Variants in GRM5 observed in about 807,000 individuals in gnomAD.
GRM5 encodes the protein metabotropic glutamate receptor 5.
A neutral mutation model predicts 83.1 loss-of-function variants in GRM5; 19 were observed. The ratio of observed to expected loss-of-function variants is 0.23; its 90% CI spans 0.16 to 0.34. The LOEUF (loss-of-function observed/expected upper bound fraction) is 0.34, where lower values mean the gene tolerates loss of function less well. Ranked by LOEUF, GRM5 falls within the 10% of genes least tolerant of loss-of-function variation. The pLI, the probability that GRM5 is intolerant of heterozygous loss-of-function variation, is 1.00. For missense variants in GRM5, 1,160 were observed against 1,588.3 expected (o/e 0.73, Z 4.58); for synonymous variants, 675 against 633.6 (o/e 1.07, Z -0.98).
intron 3 of GRM5, among the ~76,000 whole-genome samples, chr11:88,778,120 CT>C (rs1006987473): frequency 3.9e-5 from 6 of 152,070 alleles, no homozygotes; most frequent in African/African-American, 1.2e-4. Flanking sequence ...CCATTTGGAG[CT>C]TCCTTGGCCA....
intron 3 of GRM5, among the ~76,000 whole-genome samples, chr11:88,688,856 C>A (rs115439082): frequency 1.3e-5 from 2 of 152,012 alleles, no homozygotes; most frequent in Non-Finnish European, 2.9e-5. Context: ...GGCGATTAGA[C>A]CTGGAACAGT....
At chr11:88,783,256 G>A (rs1229055295) in intron 3 of GRM5, among the ~76,000 whole-genome samples, 1 of 152,092 alleles carries the variant, frequency 6.6e-6, no homozygotes, top group East Asian at 1.9e-4. Flanking sequence ...GTGTTCAAAT[G>A]ATTTATGAAT....
intron 3 of GRM5, among the ~76,000 whole-genome samples, chr11:88,734,319 T>A (rs1941866171): frequency 6.6e-6 from 1 of 152,006 alleles, no homozygotes. Context: ...ATTATTATGT[T>A]TTAAAAAGAT....
At chr11:88,950,092 T>G (rs969191982) in intron 2 of GRM5, among the ~76,000 whole-genome samples, 1 of 151,386 alleles carries the variant, frequency 6.6e-6, no homozygotes, top group Non-Finnish European at 1.5e-5. Context: ...GCCAGGATGG[T>G]CTCGATCTCC....
At chr11:88,731,477 T>C (rs1452017489) in intron 3 of GRM5, among the ~76,000 whole-genome samples, 2 of 152,108 alleles carry the variant, frequency 1.3e-5, no homozygotes, top group Non-Finnish European at 2.9e-5. Flanking sequence ...CACATCACTC[T>C]GTGTAGTCCT....
At chr11:89,046,215 GGTTA>G (rs758599396) in intron 2 of GRM5, among the ~76,000 whole-genome samples, 9 of 152,110 alleles carry the variant, frequency 5.9e-5, no homozygotes, top group Non-Finnish European at 1.3e-4. Flanking sequence ...TCTGAAGTGG[GGTTA>G]GTAACTTAAT....
intron 2 of GRM5, among the ~76,000 whole-genome samples, chr11:89,007,626 T>C (rs1378752085): frequency 2.0e-5 from 3 of 152,230 alleles, no homozygotes; most frequent in Non-Finnish European, 4.4e-5. Flanking sequence ...TGTTAGGTCA[T>C]ACGGGTTTTA....
intron 2 of GRM5, among the ~76,000 whole-genome samples, chr11:88,980,734 A>G (rs2135022567): frequency 6.6e-6 from 1 of 152,190 alleles, no homozygotes; most frequent in East Asian, 1.9e-4. Context: ...GATGCAGGAG[A>G]ATGGCATGAA....
chr11:88,998,052 T>C (rs114575161), intron 2 of GRM5, among the ~76,000 whole-genome samples: 3,127 of 143,866 alleles, frequency 0.022, 109 homozygotes, highest in African/African-American at 0.077. Context: ...AAGAAAAATA[T>C]GAGAGGCGGA....
At chr11:88,587,822 A>G (rs1267885962) in intron 7 of GRM5, among the ~76,000 whole-genome samples, 1 of 152,114 alleles carries the variant, frequency 6.6e-6, no homozygotes, top group Non-Finnish European at 1.5e-5. Flanking sequence ...TAATCCAATC[A>G]TACTCCTCAA....
intron 2 of GRM5, among the ~76,000 whole-genome samples, chr11:88,887,031 G>A (rs1279887198): frequency 5.9e-5 from 9 of 152,114 alleles, no homozygotes; most frequent in Middle Eastern, 3.2e-3. Context: ...GAGGCACATC[G>A]TTGGTCCTTT....
intron 2 of GRM5, among the ~76,000 whole-genome samples, chr11:88,956,270 G>C (rs1938608824): frequency 6.6e-6 from 1 of 152,224 alleles, no homozygotes; most frequent in Admixed American, 6.5e-5. Flanking sequence ...AAATTCCAAA[G>C]TAGAGCAGTC....
chr11:88,613,863 A>G (rs1365285285), intron 4 of GRM5, among the ~76,000 whole-genome samples: 1 of 152,068 alleles, frequency 6.6e-6, no homozygotes, highest in Non-Finnish European at 1.5e-5. Context: ...CACTCTATAT[A>G]CCTTATTATA....
At chr11:88,582,913 A>G (rs536893689) in intron 7 of GRM5, among the ~76,000 whole-genome samples, 1 of 152,202 alleles carries the variant, frequency 6.6e-6, no homozygotes, top group East Asian at 1.9e-4. Flanking sequence ...CCCCAGAATC[A>G]TAGCACCTGG....
In GRM5 at chr11:88,567,178, G is replaced by A. The variant is rs369633542; in HGVS notation, c.2505C>T (p.Ser835=). Residue 835 remains serine, a synonymous_variant, in exon 8 of 10, where the codon AGC becomes AGT. Transcript: ENST00000305447. The surrounding 1 kb of genome is among the most constrained non-coding windows in gnomAD (Gnocchi z 7.3). Reference sequence around the variant, plus strand: ...GCACCACGGTAGATGTGGTGAAGGCGCTGCGCACGTTTCTCTCTGGTTTGG... The same window carrying A: ...GCACCACGGTAGATGTGGTGAAGGCACTGCGCACGTTTCTCTCTGGTTTGG... The part of the protein sequence containing the change: ...ILAKPERNVR[S]AFTTSTVVRM... The A allele has an allele frequency of 4.3e-6, 7 of 1,613,936 alleles. No individual in the cohort carries two copies. Among genetic ancestry groups the A allele is most frequent in the East Asian group, 2.2e-5 (1 of 44,864 alleles).
chr11:89,042,303 G>C (rs1941553491), intron 2 of GRM5, among the ~76,000 whole-genome samples: 1 of 152,118 alleles, frequency 6.6e-6, no homozygotes, highest in South Asian at 2.1e-4. Flanking sequence ...TGGAGAGGTA[G>C]AAAAATGGCA....
chr11:88,818,766 T>A (rs776384433), intron 3 of GRM5, among the ~76,000 whole-genome samples: 3 of 152,134 alleles, frequency 2.0e-5, no homozygotes, highest in Admixed American at 6.6e-5. Context: ...ATATAAATAT[T>A]CAATGAAATC....
chr11:88,720,709 T>C (rs1370641315), intron 3 of GRM5, among the ~76,000 whole-genome samples: 1 of 152,006 alleles, frequency 6.6e-6, no homozygotes, highest in East Asian at 1.9e-4. Context: ...CGTCCTTCTG[T>C]CTAATCTCCA....
chr11:88,707,537 T>A (rs1941190691), intron 3 of GRM5, among the ~76,000 whole-genome samples: 1 of 152,042 alleles, frequency 6.6e-6, no homozygotes, highest in Non-Finnish European at 1.5e-5. Context: ...ATAATATAAT[T>A]TTGAGGTTTA....
Sources: gnomAD v4.1 joint callset for allele counts (sites outside exome capture counted in the v4.1 genomes callset) on GRCh38, gnomAD v4.1.1 for gene constraint, Gnocchi (gnomAD v3.1) non-coding constraint, MANE v1.5 for transcripts, NCBI Gene and HGNC (gene_info 2026-07-23, HGNC 2026-07-21) for gene names.